Variants in SPON1 observed in about 807,000 individuals in gnomAD.
The protein encoded by SPON1 is spondin 1.
In SPON1, 52 loss-of-function variants were observed where a neutral mutation model predicts 111.7. That is an observed-to-expected ratio of 0.47 (90% CI 0.37 to 0.59). The LOEUF is 0.59. SPON1 is among the 20% of genes least tolerant of loss of function. SPON1 has a pLI of 0.00. For missense variants in SPON1, 957 were observed against 1,068.5 expected (o/e 0.90, Z 1.46); for synonymous variants, 410 against 395.8 (o/e 1.04, Z -0.43).
intron 6 of SPON1, among the ~76,000 whole-genome samples, chr11:14,153,452 G>A (rs1847809705): frequency 6.6e-6 from 1 of 152,088 alleles, no homozygotes; most frequent in Non-Finnish European, 1.5e-5. Flanking sequence ...AAGAGAGCAG[G>A]GAGGGCCACA....
chr11:13,978,171 A>G (rs1486402911), intron 1 of SPON1, among the ~76,000 whole-genome samples: 2 of 152,130 alleles, frequency 1.3e-5, no homozygotes, highest in African/African-American at 4.8e-5. Context: ...AAGTCTTGAT[A>G]TCTGGGAGTA....
intron 5 of SPON1, among the ~76,000 whole-genome samples, chr11:14,096,743 A>T (rs80288366): frequency 0.011 from 1,689 of 152,006 alleles, 11 homozygotes; most frequent in Admixed American, 0.018. Flanking sequence ...CACTCCTTTG[A>T]CTCTGCCAGG....
chr11:14,163,801 C>G (rs1220322197), intron 6 of SPON1, among the ~76,000 whole-genome samples: 1 of 152,160 alleles, frequency 6.6e-6, no homozygotes, highest in African/African-American at 2.4e-5. Context: ...GGACTGCTGT[C>G]CTCCATATTG....
intron 5 of SPON1, among the ~76,000 whole-genome samples, chr11:14,089,233 A>G (rs1252428605): frequency 1.3e-5 from 2 of 152,076 alleles, no homozygotes; most frequent in Middle Eastern, 3.4e-3. Context: ...AATTTTCAGC[A>G]TTTTTGCATT....
chr11:14,255,211 G>A (rs1849092421), intron 8 of SPON1, among the ~76,000 whole-genome samples: 1 of 152,224 alleles, frequency 6.6e-6, no homozygotes, highest in Admixed American at 6.5e-5. Flanking sequence ...ACTCCTCCAA[G>A]TACATATTAT....
intron 6 of SPON1, among the ~76,000 whole-genome samples, chr11:14,202,771 C>T (rs975651126): frequency 1.3e-5 from 2 of 152,154 alleles, no homozygotes; most frequent in Admixed American, 1.3e-4. Context: ...ATTTTACTCA[C>T]TCAACTCTCA....
chr11:13,975,993 A>G (rs1268727448), intron 1 of SPON1, among the ~76,000 whole-genome samples: 1 of 152,194 alleles, frequency 6.6e-6, no homozygotes, highest in Non-Finnish European at 1.5e-5. Flanking sequence ...ATCATCCCTT[A>G]AAATTCTTGA....
chr11:14,102,336 C>G lies in SPON1; in HGVS notation c.676+22315C>G, dbSNP rs562663920. On this transcript the variant is annotated intron_variant, in intron 5 of 15. Transcript: ENST00000576479. ...AGCAAGTGCAATTAATTTTAATGTTCTATTCTATTTTATTTAAGCCAGTAT... is the reference window on the plus strand; with the variant it reads ...AGCAAGTGCAATTAATTTTAATGTTGTATTCTATTTTATTTAAGCCAGTAT... Among the ~76,000 whole-genome samples the G allele has an allele frequency of 2.2e-3, 329 of 152,186 alleles. 2 individuals are homozygous for G. The highest frequency in any genetic ancestry group is 7.2e-3 in the African/African-American group (299 of 41,522).
chr11:14,124,429 C>T (rs11822943), intron 5 of SPON1, among the ~76,000 whole-genome samples: 3,616 of 152,314 alleles, frequency 0.024, 144 homozygotes, highest in African/African-American at 0.082. Context: ...TGTGCTGTGA[C>T]ATTCTGTGTT....
chr11:14,185,686 G>A (rs1441380259), intron 6 of SPON1, among the ~76,000 whole-genome samples: 1 of 152,236 alleles, frequency 6.6e-6, no homozygotes, highest in African/African-American at 2.4e-5. Context: ...AAAGCCCTTG[G>A]CCTAGGCCAG....
chr11:14,045,920 A>T (rs534512664), intron 3 of SPON1, among the ~76,000 whole-genome samples: 9 of 152,246 alleles, frequency 5.9e-5, no homozygotes, highest in Admixed American at 4.6e-4. Context: ...TTGTTCAAAA[A>T]TAATTTTCCT....
chr11:13,977,978 G>T (rs1848115392), intron 1 of SPON1, among the ~76,000 whole-genome samples: 1 of 151,996 alleles, frequency 6.6e-6, no homozygotes, highest in South Asian at 2.1e-4. Flanking sequence ...AGTAATTGTG[G>T]TTTTTGCCAT....
chr11:14,248,642 A>C (rs994173116), intron 7 of SPON1, among the ~76,000 whole-genome samples: 3 of 152,150 alleles, frequency 2.0e-5, no homozygotes, highest in Admixed American at 2.0e-4. Context: ...TAGGAAGCCT[A>C]CATGCAGCCA....
intron 2 of SPON1, among the ~76,000 whole-genome samples, chr11:14,012,796 C>T (rs1026774862): frequency 1.3e-5 from 2 of 152,100 alleles, no homozygotes; most frequent in Admixed American, 1.3e-4. Flanking sequence ...GAGGACAAAG[C>T]ATGTTTTAAT....
intron 6 of SPON1, among the ~76,000 whole-genome samples, chr11:14,215,882 G>C (rs1311204959): frequency 2.0e-5 from 3 of 152,160 alleles, no homozygotes; most frequent in African/African-American, 7.2e-5. Flanking sequence ...CTTCTCAAGT[G>C]GTGGGAAAGG....
intron 6 of SPON1, among the ~76,000 whole-genome samples, chr11:14,178,469 AACT>A (rs1848204285): frequency 1.3e-5 from 2 of 152,014 alleles, no homozygotes; most frequent in African/African-American, 4.8e-5. Flanking sequence ...ATCCTGCACA[AACT>A]TGGTCTCAGT....
intron 3 of SPON1, among the ~76,000 whole-genome samples, chr11:14,072,422 A>G (rs1554921014): frequency 6.6e-6 from 1 of 152,108 alleles, no homozygotes; most frequent in Non-Finnish European, 1.5e-5. Flanking sequence ...TTTAAATGAT[A>G]GGCTTTGCCA....
At chr11:14,194,567 C>CACACACACACACACACACACAG (rs150398912) in intron 6 of SPON1, among the ~76,000 whole-genome samples, 2 of 139,306 alleles carry the variant, frequency 1.4e-5, no homozygotes, top group Non-Finnish European at 3.1e-5. Flanking sequence ...CACACACACA[C>CACACACACACACACACACACAG]GGACTGCCTG....
intron 1 of SPON1, among the ~76,000 whole-genome samples, chr11:13,965,982 A>T (rs185905667): frequency 3.3e-5 from 5 of 152,252 alleles, no homozygotes; most frequent in Admixed American, 2.6e-4. Context: ...TTCATCCCCA[A>T]GCAGCTTCTG....
Sources: allele counts gnomAD v4.1 joint callset (sites outside exome capture counted in the v4.1 genomes callset), GRCh38; gene constraint gnomAD v4.1.1; transcripts MANE v1.5; gene names NCBI Gene and HGNC (gene_info 2026-07-23, HGNC 2026-07-21).